The following CDHR1 variants were observed in gnomAD, a reference collection of about 807,000 sequenced individuals.
The protein encoded by CDHR1 is cadherin related family member 1.
Under a neutral mutation model 72.1 loss-of-function variants are expected in CDHR1, and 61 were observed. The ratio of observed to expected loss-of-function variants is 0.85; its 90% CI spans 0.69 to 1.05. CDHR1 has a LOEUF of 1.05. Among genes scored for constraint, CDHR1 ranks in the 50% least tolerant of loss-of-function variants. CDHR1 has a pLI of 0.00. For missense variants in CDHR1, 1,186 were observed against 1,115.7 expected (o/e 1.06, Z -0.90); for synonymous variants, 470 against 448.1 (o/e 1.05, Z -0.62).
chr10:84,212,177 A>C lies in CDHR1; in HGVS notation c.1554-2A>C. On this transcript the variant is annotated splice_acceptor_variant, in intron 14 of 16. Coordinates refer to ENST00000623527, the MANE Select transcript of CDHR1 (RefSeq NM_033100.4). LOFTEE classifies it high-confidence loss of function. ...CCCATGCCTATGTGCTCTGCCTGGC[A>C]GCTTCCTGATCCACCCATCCACTGG... 1.2e-6 allele frequency: 2 copies of C among 1,613,844 alleles called. No homozygotes were observed. The highest frequency in any genetic ancestry group is 1.7e-5 in the Admixed American group (1 of 60,030).
chr10:84,208,468 G>T, intron 11 of CDHR1, 91 bp downstream of exon 11: 1 of 1,375,646 alleles, frequency 7.3e-7, no homozygotes, highest in Non-Finnish European at 1.0e-6. Flanking sequence ...CCTGCTCTGC[G>T]TATGTAGCCG....
At chr10:84,198,004 C>A (rs937365001) in intron 4 of CDHR1, among the ~76,000 whole-genome samples, 168 bp downstream of exon 4, 13 of 152,134 alleles carry the variant, frequency 8.5e-5, no homozygotes, top group African/African-American at 2.9e-4. Flanking sequence ...TGCAGCAAGG[C>A]CAGGGGGAAG....
At chr10:84,196,324 C>G (rs1428060295) in intron 2 of CDHR1, among the ~76,000 whole-genome samples, 181 bp from the exon 3 acceptor site, 1 of 152,192 alleles carries the variant, frequency 6.6e-6, no homozygotes, top group African/African-American at 2.4e-5. Flanking sequence ...AATAAACATA[C>G]AAAGAGGGAA....
At chr10:84,203,209 T>G (rs1050269959) in intron 8 of CDHR1, 86 bp downstream of exon 8, 1 of 1,556,476 alleles carries the variant, frequency 6.4e-7, no homozygotes, top group Non-Finnish European at 8.8e-7. Context: ...CTGCTGGAGA[T>G]GGCTGGTCTG....
chr10:84,216,674 C>A lies in CDHR1; in HGVS notation c.*2053C>A. The A allele has an allele frequency of 1.0e-6, 1 of 985,446 alleles. No individual in the cohort carries two copies. Among genetic ancestry groups the A allele is most frequent in the Non-Finnish European group, 1.2e-6 (1 of 829,936 alleles). 61.0% of individuals were successfully genotyped at this position (985,446 alleles called of 1,614,324 possible). ...CCCCCAGATGTGACTCTAAAGAAGG[C>A]TGAAAATTTTTGTCCAAATTGCCAT... is the stretch of plus-strand genomic sequence containing the variant. On this transcript the variant is annotated 3_prime_UTR_variant, in exon 17 of 17. Coordinates refer to ENST00000623527, the MANE Select transcript of CDHR1 (RefSeq NM_033100.4).
chr10:84,212,919 C>G, intron 15 of CDHR1, 172 bp from the exon 16 acceptor site: 3 of 796,460 alleles, frequency 3.8e-6, no homozygotes, highest in African/African-American at 1.7e-5. Flanking sequence ...CTACGTAAAC[C>G]CTGGCTTATA....
At chr10:84,195,444 T>TCTGGGTGTCCTTTGC (rs1842011260) in intron 1 of CDHR1, 50 bp from the exon 2 acceptor site, 2 of 1,530,804 alleles carry the variant, frequency 1.3e-6, no homozygotes. Context: ...CCTCCTGGTG[T>TCTGGGTGTCCTTTGC]CTGGGTGTCC....
Position 84,208,781 on chromosome 10 carries a change from G to A in CDHR1, c.1220G>A (p.Arg407Gln), listed in dbSNP as rs201004571. 54 of 1,614,166 alleles carry A rather than the reference G, an allele frequency of 3.3e-5. No homozygotes were observed. Among genetic ancestry groups the A allele is most frequent in the African/African-American group, 1.1e-4 (8 of 75,054 alleles). ...LQLVGPRGIF[R>Q]VVPQTVLNEA... ...CTGGTGGGACCCAGGGGCATCTTCC[G>A]AGTGGTTCCACAGACAGTCCTGAAT... The change falls in exon 12 of 17, where the codon CGA (arginine) becomes CAA (glutamine). Residue 407 changes from arginine (R) to glutamine (Q), a missense_variant. Arg to Gln is a conservative substitution (Grantham distance 43, BLOSUM62 1). Transcript: ENST00000623527.
intron 14 of CDHR1, 77 bp downstream of exon 14, chr10:84,211,792 G>A (rs2132829534): frequency 7.9e-7 from 1 of 1,267,904 alleles, no homozygotes; most frequent in African/African-American, 1.5e-5. Flanking sequence ...GTCTGTGGCA[G>A]AGGCAGGAGG....
chr10:84,206,187 T>G (rs1035575471), intron 10 of CDHR1, among the ~76,000 whole-genome samples: 12 of 141,866 alleles, frequency 8.5e-5, no homozygotes, highest in Non-Finnish European at 1.5e-4. Flanking sequence ...ATTGGGTGGG[T>G]GGGGGTGGAG....
chr10:84,209,661 C>T (rs888726671), intron 12 of CDHR1, among the ~76,000 whole-genome samples: 4 of 149,706 alleles, frequency 2.7e-5, no homozygotes, highest in African/African-American at 9.8e-5. Context: ...AAAAGAAACT[C>T]TTAGAAACTC....
chr10:84,200,062 C>T (rs1306542012), intron 5 of CDHR1, among the ~76,000 whole-genome samples: 1 of 151,780 alleles, frequency 6.6e-6, no homozygotes, highest in Non-Finnish European at 1.5e-5. Flanking sequence ...CCAAGCTACT[C>T]GAGAGGCTGA....
chr10:84,203,010 G>A lies in CDHR1; in HGVS notation c.670G>A (p.Val224Met). Residue 224 changes from valine to methionine, a missense_variant, in exon 8 of 17, where the codon GTG becomes ATG. Transcript: ENST00000623527. ...CGGTGGGAGGCTTCATGGGGCTGAT[G>A]TGGTGTTCTCAGCCACCACCACGGT... ...DGGGRLHGAD[V>M]VFSATTTVTV... 2 of 1,614,188 alleles carry A rather than the reference G, an allele frequency of 1.2e-6. No individual in the cohort carries two copies. Among genetic ancestry groups the A allele is most frequent in the Non-Finnish European group, 1.7e-6 (2 of 1,180,036 alleles).
Position 84,213,212 on chromosome 10 carries a change from T to C in CDHR1, c.1904T>C (p.Ile635Thr), listed in dbSNP as rs201296984. ...GGGGAGATCTGGCTCAAGAATTCCA[T>C]CCGCTCCCTGGATGCCCTGCACAAC... is the stretch of plus-strand genomic sequence containing the variant. Reference protein sequence around the residue: ...HTGEIWLKNSIRSLDALHNIT... With the variant: ...HTGEIWLKNSTRSLDALHNIT... The change falls in exon 16 of 17, where the codon ATC (isoleucine) becomes ACC (threonine). Residue 635 changes from isoleucine (I) to threonine (T), a missense_variant. Ile to Thr is a moderately conservative substitution (Grantham distance 89). Transcript: ENST00000623527. 1.4e-5 allele frequency: 22 copies of C among 1,614,054 alleles called. No individual in the cohort carries two copies. Among genetic ancestry groups the C allele is most frequent in the Non-Finnish European group, 1.8e-5 (21 of 1,180,036 alleles).
chr10:84,201,945 T>G (rs1364839461), intron 7 of CDHR1, 25 bp downstream of exon 7: 7 of 1,547,622 alleles, frequency 4.5e-6, no homozygotes, highest in African/African-American at 4.1e-5. Flanking sequence ...CAGGGGAGCA[T>G]CCAGTGTCTC....
At chr10:84,200,281 G>A (rs74145714) in intron 5 of CDHR1, among the ~76,000 whole-genome samples, 4,273 of 152,240 alleles carry the variant, frequency 0.028, 181 homozygotes, top group African/African-American at 0.096. Flanking sequence ...GTGGTTATGA[G>A]CCATCTCCTC....
intron 12 of CDHR1, among the ~76,000 whole-genome samples, chr10:84,210,575 T>G (rs1045707588): frequency 6.6e-6 from 1 of 152,200 alleles, no homozygotes; most frequent in Non-Finnish European, 1.5e-5. Flanking sequence ...CCTATTTTTT[T>G]GTTTGTTTTT....
rs565350627 is a variant in CDHR1 at position 84,215,837 on chromosome 10, T to C, written c.*1216T>C. On this transcript the variant is annotated 3_prime_UTR_variant, in exon 17 of 17. Transcript: ENST00000623527. ...ATGGCATTGCCGTGACTCACACACC[T>C]CTACTTCTGTTCTTCCCTCACTCCA... 1.0e-4 allele frequency: 102 copies of C among 985,526 alleles called. 1 individual carries two copies. The African/African-American group carries it at 1.6e-3, about 16-fold the overall frequency. 61.0% of individuals were successfully genotyped at this position (985,526 alleles called of 1,614,324 possible).
chr10:84,203,233 T>C lies in CDHR1; in HGVS notation c.783+110T>C, dbSNP rs527514314. ...ATGGCTGGTCTGGTCCCGGTTGCCC[T>C]CCTCACACAGAGGCCAGCTCTGGAC... On this transcript the variant is annotated intron_variant, in intron 8 of 16. Transcript: ENST00000623527. 93 of 1,431,726 alleles carry C rather than the reference T, an allele frequency of 6.5e-5. No individual in the cohort carries two copies. In the South Asian group the frequency reaches 1.0e-3, roughly 16 times the overall value. The allele number at this position is 1,431,726 out of a possible 1,614,324, so 88.7% of individuals were successfully genotyped here. A position where few individuals can be genotyped will look rare whatever the true frequency, so the allele number is the denominator to read the frequency against.
Sources: allele counts gnomAD v4.1 joint callset (sites outside exome capture counted in the v4.1 genomes callset), GRCh38; gene constraint gnomAD v4.1.1; transcripts MANE v1.5; gene names NCBI Gene and HGNC (gene_info 2026-07-23, HGNC 2026-07-21).